Variants in FAM120B observed in about 807,000 individuals in gnomAD.
The protein encoded by FAM120B is constitutive coactivator of peroxisome proliferator-activated receptor gamma.
Under a neutral mutation model 96.3 loss-of-function variants are expected in FAM120B, and 83 were observed. The ratio of observed to expected loss-of-function variants is 0.86; its 90% CI spans 0.72 to 1.03. The LOEUF (loss-of-function observed/expected upper bound fraction) is 1.03, where lower values mean the gene tolerates loss of function less well. Among genes scored for constraint, FAM120B ranks in the 50% least tolerant of loss-of-function variants. FAM120B has a pLI of 0.00. For synonymous variants in FAM120B, 407 were observed against 402.7 expected, an observed-to-expected ratio of 1.01 and a Z score of -0.13; for missense variants, 1,027 against 1,121.2, an observed-to-expected ratio of 0.92 and a Z score of 1.20.
chr6:170,334,268 C>T (rs1786266449), intron 4 of FAM120B, among the ~76,000 whole-genome samples: 1 of 152,156 alleles, frequency 6.6e-6, no homozygotes, highest in Non-Finnish European at 1.5e-5. Flanking sequence ...AATCAGAAAG[C>T]TTAGTATTTC....
At chr6:170,390,782 T>G (rs1365752530) in intron 7 of FAM120B, among the ~76,000 whole-genome samples, 1 of 152,206 alleles carries the variant, frequency 6.6e-6, no homozygotes, top group Admixed American at 6.5e-5. Flanking sequence ...CTTGGTGTTC[T>G]TTTTCTGGGG....
chr6:170,315,014 G>T (rs2115010983), intron 1 of FAM120B, among the ~76,000 whole-genome samples: 1 of 152,370 alleles, frequency 6.6e-6, no homozygotes. Context: ...TGACCACAGT[G>T]GGCGTGCGGT....
chr6:170,387,342 GTTAC>G (rs1350704799), intron 6 of FAM120B, among the ~76,000 whole-genome samples: 2 of 152,152 alleles, frequency 1.3e-5, no homozygotes, highest in Admixed American at 6.5e-5. Context: ...TAAAATATCT[GTTAC>G]TTTTTTCCTA....
chr6:170,346,661 T>C (rs1257697033), intron 4 of FAM120B, among the ~76,000 whole-genome samples: 1 of 152,148 alleles, frequency 6.6e-6, no homozygotes, highest in East Asian at 1.9e-4. Context: ...CCTCAGTTGC[T>C]GTAATTGGAA....
At chr6:170,300,553 C>T (rs1562505358) in intron 1 of FAM120B, among the ~76,000 whole-genome samples, 1 of 152,204 alleles carries the variant, frequency 6.6e-6, no homozygotes, top group Non-Finnish European at 1.5e-5. Context: ...AAAGTCTTAA[C>T]TCATTCCAGC....
At chr6:170,404,376 A>G (rs1778727063) in intron 9 of FAM120B, 174 bp from the exon 10 acceptor site, 2 of 531,410 alleles carry the variant, frequency 3.8e-6, no homozygotes, top group Non-Finnish European at 3.3e-6. Context: ...CTTTAATGGA[A>G]TAATTATGGA....
intron 9 of FAM120B, among the ~76,000 whole-genome samples, chr6:170,398,915 T>A (rs1293942720): frequency 6.6e-6 from 1 of 151,958 alleles, no homozygotes; most frequent in East Asian, 1.9e-4. Flanking sequence ...GGTAGAACTA[T>A]GTCATAACCC....
chr6:170,374,104 A>G (rs1316673568), intron 6 of FAM120B, among the ~76,000 whole-genome samples: 1 of 152,210 alleles, frequency 6.6e-6, no homozygotes, highest in Non-Finnish European at 1.5e-5. Flanking sequence ...CTGAATGTCT[A>G]TAAAAAGCAT....
chr6:170,326,887 C>T (rs111895977), intron 3 of FAM120B, among the ~76,000 whole-genome samples: 19,676 of 152,042 alleles, frequency 0.13, 1,450 homozygotes, highest in East Asian at 0.31. Context: ...GACAGGCATG[C>T]GCCACCACAC....
intron 4 of FAM120B, among the ~76,000 whole-genome samples, chr6:170,347,932 T>C (rs1787300241): frequency 6.6e-6 from 1 of 152,146 alleles, no homozygotes; most frequent in South Asian, 2.1e-4. Flanking sequence ...AATTTAGCCA[T>C]TAAAAAAAGA....
chr6:170,307,357 C>T (rs1784356328), intron 1 of FAM120B, among the ~76,000 whole-genome samples: 1 of 152,186 alleles, frequency 6.6e-6, no homozygotes, highest in Non-Finnish European at 1.5e-5. Context: ...GACAGAAAGA[C>T]AGGGTTCCCT....
chr6:170,368,664 GTGAA>G (rs1373945162), intron 6 of FAM120B, among the ~76,000 whole-genome samples: 1 of 152,208 alleles, frequency 6.6e-6, no homozygotes, highest in Admixed American at 6.5e-5. Flanking sequence ...TAAAAATTTG[GTGAA>G]TGAATGAATA....
At position 170,363,222 on chromosome 6, in the gene FAM120B, G is replaced by C. The variant is rs1244102707; in HGVS notation, c.2283+4904G>C. ...GAGAACTCCATGAGCTGGTACCTTAGCCACTTTTTCTAGTGCCTCATAGCT... is the reference window on the plus strand; with the variant it reads ...GAGAACTCCATGAGCTGGTACCTTACCCACTTTTTCTAGTGCCTCATAGCT... On this transcript the variant is annotated intron_variant, in intron 6 of 10. Coordinates refer to ENST00000476287, the MANE Select transcript of FAM120B (RefSeq NM_032448.3). This position sits in a 1 kb window ranked among gnomAD's most constrained non-coding sequence, Gnocchi z 4.5. Among the ~76,000 whole-genome samples, 1 of 152,130 alleles carries C rather than the reference G, an allele frequency of 6.6e-6. No individual in the cohort carries two copies. The highest frequency in any genetic ancestry group is 6.5e-5 in the Admixed American group (1 of 15,268).
At chr6:170,375,644 T>A (rs1228735326) in intron 6 of FAM120B, among the ~76,000 whole-genome samples, 2 of 152,206 alleles carry the variant, frequency 1.3e-5, no homozygotes, top group African/African-American at 4.8e-5. Flanking sequence ...AAATTTGAAT[T>A]CCTGTGATGT....
chr6:170,379,814 T>G (rs552141727), intron 6 of FAM120B, among the ~76,000 whole-genome samples: 1 of 152,226 alleles, frequency 6.6e-6, no homozygotes, highest in Non-Finnish European at 1.5e-5. Flanking sequence ...TGTTTGTTTG[T>G]TTTTCCAAAT....
Position 170,371,491 on chromosome 6 carries a change from A to G in FAM120B, c.2283+13173A>G, listed in dbSNP as rs561156358. Among the ~76,000 whole-genome samples the G allele has an allele frequency of 5.3e-5, 8 of 152,336 alleles. No homozygotes were observed. In the South Asian group the frequency reaches 1.0e-3, roughly 20 times the overall value. On this transcript the variant is annotated intron_variant, in intron 6 of 10. Coordinates refer to ENST00000476287, the MANE Select transcript of FAM120B (RefSeq NM_032448.3). ...ACATCCCCCTCGGATGTTAGTAACT[A>G]AAGCTTTTCTGTTTTTTTGATATGT...
At position 170,318,787 on chromosome 6, in the gene FAM120B, G is replaced by A. The variant is rs750550977; in HGVS notation, c.1397G>A (p.Gly466Asp). ...EPRQEVPMYT[G>D]PESRQEVPMY... ...AGGCAAGAAGTTCCCATGTATACAG[G>A]CCCTGAATCCAGGCAAGAAGTTCCC... is the stretch of plus-strand genomic sequence containing the variant. Residue 466 changes from glycine to aspartate, a missense_variant, in exon 2 of 11, where the codon GGC (glycine) becomes GAC (aspartate). Gly to Asp is a moderately conservative substitution (Grantham distance 94). Coordinates refer to ENST00000476287, the MANE Select transcript of FAM120B (RefSeq NM_032448.3). 1 of 1,608,164 alleles carries A rather than the reference G, an allele frequency of 6.2e-7. No homozygotes were observed. Among genetic ancestry groups the A allele is most frequent in the South Asian group, 1.1e-5 (1 of 90,802 alleles).
At chr6:170,343,278 T>TCTCACTGGTTCCTGAGCAGCCCCACC (rs1562547801) in intron 4 of FAM120B, among the ~76,000 whole-genome samples, 3 of 152,238 alleles carry the variant, frequency 2.0e-5, no homozygotes, top group African/African-American at 7.2e-5. Context: ...AATTAAAGCC[T>TCTCACTGGTTCCTGAGCAGCCCCACC]TTTTGTAGAG....
chr6:170,377,869 G>A lies in FAM120B; in HGVS notation c.2284-10418G>A, dbSNP rs949940823. Among the ~76,000 whole-genome samples the A allele has an allele frequency of 6.0e-5, 6 of 100,350 alleles. 1 individual carries two copies. The highest frequency in any genetic ancestry group is 1.2e-4 in the Non-Finnish European group (6 of 49,310). 65.8% of individuals were successfully genotyped at this position (100,350 alleles called of 152,430 possible). ...AATCCCAGATGCCTGGGAGAGCACCGGCTCACGCTGCTCGGTGCTGTGCAC... is the reference window on the plus strand; with the variant it reads ...AATCCCAGATGCCTGGGAGAGCACCAGCTCACGCTGCTCGGTGCTGTGCAC... On this transcript the variant is annotated intron_variant, in intron 6 of 10. Coordinates refer to ENST00000476287, the MANE Select transcript of FAM120B (RefSeq NM_032448.3).
Sources: gnomAD v4.1 joint callset for allele counts (sites outside exome capture counted in the v4.1 genomes callset) on GRCh38, gnomAD v4.1.1 for gene constraint, Gnocchi (gnomAD v3.1) non-coding constraint, MANE v1.5 for transcripts, NCBI Gene and HGNC (gene_info 2026-07-23, HGNC 2026-07-21) for gene names.